Variants in CHSY3 observed in about 807,000 individuals in gnomAD.
The protein encoded by CHSY3 is N-acetylgalactosaminyl-proteoglycan 3-beta-glucuronosyltransferase 3.
CHSY3 carries 35 observed loss-of-function variants against 67.2 expected under a neutral mutation model. The ratio of observed to expected loss-of-function variants is 0.52; its 90% CI spans 0.40 to 0.69. CHSY3 has a LOEUF of 0.69. Among genes scored for constraint, CHSY3 ranks in the 30% least tolerant of loss-of-function variants. The pLI, the probability that CHSY3 is intolerant of heterozygous loss-of-function variation, is 0.00. For missense variants in CHSY3, 1,069 were observed against 1,138.5 expected, an observed-to-expected ratio of 0.94 and a Z score of 0.88; for synonymous variants, 474 against 434.7, an observed-to-expected ratio of 1.09 and a Z score of -1.12.
chr5:130,157,170 C>G (rs975449949), intron 2 of CHSY3, among the ~76,000 whole-genome samples: 1 of 152,154 alleles, frequency 6.6e-6, no homozygotes, highest in Non-Finnish European at 1.5e-5. Context: ...AGACAGCAAG[C>G]ACATCATGTT....
chr5:130,011,982 A>T (rs1188118818), intron 2 of CHSY3, among the ~76,000 whole-genome samples: 1 of 152,238 alleles, frequency 6.6e-6, no homozygotes, highest in Non-Finnish European at 1.5e-5. Flanking sequence ...AAATGGAAAA[A>T]CATCCCATGC....
intron 2 of CHSY3, among the ~76,000 whole-genome samples, chr5:130,136,146 C>T (rs1462174269): frequency 6.6e-6 from 1 of 152,142 alleles, no homozygotes; most frequent in Non-Finnish European, 1.5e-5. Flanking sequence ...AAATAGGAGT[C>T]AGAGTGAGAA....
In CHSY3 at chr5:130,186,444, C is replaced by T. The variant is rs1214592985; in HGVS notation, c.*653C>T. ...TCTTATGACAATTATGAGCTCCTCA[C>T]AACTGTCTGCTATAAATGCGAATGA... On this transcript the variant is annotated 3_prime_UTR_variant, in exon 3 of 3. Coordinates refer to ENST00000305031, the MANE Select transcript of CHSY3 (RefSeq NM_175856.5). 6.6e-6 allele frequency: 1 copy of T among 152,346 alleles called. No individual in the cohort carries two copies. The highest frequency in any genetic ancestry group is 1.9e-4 in the East Asian group (1 of 5,326). 9.4% of individuals were successfully genotyped at this position (152,346 alleles called of 1,614,324 possible).
intron 2 of CHSY3, among the ~76,000 whole-genome samples, chr5:130,018,964 G>T (rs966434670): frequency 2.0e-5 from 3 of 152,006 alleles, no homozygotes; most frequent in African/African-American, 7.2e-5. Context: ...CTTCCCCTCG[G>T]ACCATCTCTG....
chr5:130,086,463 G>C (rs1766630524), intron 2 of CHSY3, among the ~76,000 whole-genome samples: 1 of 151,842 alleles, frequency 6.6e-6, no homozygotes, highest in African/African-American at 2.4e-5. Flanking sequence ...CATTTGCTTG[G>C]TAGATCTTCC....
At chr5:130,010,691 A>G (rs2149646510) in intron 2 of CHSY3, among the ~76,000 whole-genome samples, 1 of 152,124 alleles carries the variant, frequency 6.6e-6, no homozygotes, top group Non-Finnish European at 1.5e-5. Context: ...AATCAACAAA[A>G]CCAAAAGTGA....
intron 2 of CHSY3, among the ~76,000 whole-genome samples, chr5:130,091,211 G>C (rs1044310956): frequency 1.3e-5 from 2 of 151,740 alleles, no homozygotes; most frequent in Non-Finnish European, 2.9e-5. Context: ...CCTCTTATCA[G>C]GGCCATGATT....
At position 129,908,153 on chromosome 5, in the gene CHSY3, T is replaced by C. The variant is rs138111280; in HGVS notation, c.879T>C (p.Asn293=). Residue 293 remains asparagine (N), a synonymous_variant, in exon 2 of 3, where the codon AAT becomes AAC. Transcript: ENST00000305031. ...PLYLGQTGLG[N]IEELGKLGLE... is the part of the protein sequence containing the mutation. ...ACCTGGGACAGACTGGCCTGGGGAA[T>C]ATTGAAGAGCTTGGAAAGCTGGGAC... 3.8e-4 allele frequency: 619 copies of C among 1,614,128 alleles called. 2 individuals carry two copies. In the African/African-American group the frequency reaches 7.2e-3, roughly 19 times the overall value.
At chr5:129,989,454 C>A (rs1358630339) in intron 2 of CHSY3, among the ~76,000 whole-genome samples, 1 of 151,706 alleles carries the variant, frequency 6.6e-6, no homozygotes, top group East Asian at 1.9e-4. Flanking sequence ...GAGACTTGTT[C>A]TTTTATTAAG....
At chr5:129,910,948 T>C (rs1009159057) in intron 2 of CHSY3, among the ~76,000 whole-genome samples, 6 of 151,594 alleles carry the variant, frequency 4.0e-5, no homozygotes, top group African/African-American at 1.2e-4. Flanking sequence ...TTTTTAAATT[T>C]CTTTTATCTA....
At chr5:130,077,138 A>G (rs1432361862) in intron 2 of CHSY3, among the ~76,000 whole-genome samples, 1 of 151,952 alleles carries the variant, frequency 6.6e-6, no homozygotes, top group Admixed American at 6.6e-5. Flanking sequence ...TTAAAAAAAA[A>G]AAGATTGTAA....
At chr5:129,921,545 G>A (rs879483351) in intron 2 of CHSY3, among the ~76,000 whole-genome samples, 1 of 152,136 alleles carries the variant, frequency 6.6e-6, no homozygotes, top group Admixed American at 6.5e-5. Context: ...ATGAGTACAG[G>A]TAACTGAAAC....
intron 2 of CHSY3, among the ~76,000 whole-genome samples, chr5:130,089,559 G>A (rs1766803654): frequency 2.0e-5 from 3 of 151,952 alleles, no homozygotes; most frequent in Non-Finnish European, 2.9e-5. Flanking sequence ...TAAATTTTCA[G>A]CATCAGATCT....
intron 2 of CHSY3, among the ~76,000 whole-genome samples, chr5:129,948,688 C>T (rs958127014): frequency 2.0e-5 from 3 of 152,116 alleles, no homozygotes; most frequent in African/African-American, 7.2e-5. Flanking sequence ...TTCCTTTTCT[C>T]CCGGTGGATA....
intron 2 of CHSY3, among the ~76,000 whole-genome samples, chr5:129,971,228 T>C (rs756352373): frequency 3.3e-4 from 50 of 151,752 alleles, no homozygotes; most frequent in Admixed American, 1.1e-3. Flanking sequence ...AGTGTACATT[T>C]TACATTTGGT....
intron 2 of CHSY3, among the ~76,000 whole-genome samples, chr5:130,103,255 C>T (rs1767305102): frequency 6.6e-6 from 1 of 151,938 alleles, no homozygotes; most frequent in South Asian, 2.1e-4. Context: ...CTATGACAAA[C>T]CTATTAATGC....
intron 2 of CHSY3, among the ~76,000 whole-genome samples, chr5:129,987,390 A>G (rs1306258920): frequency 6.6e-6 from 1 of 152,226 alleles, no homozygotes; most frequent in African/African-American, 2.4e-5. Flanking sequence ...AATTAGGTAC[A>G]AAATGTTTAT....
Position 130,036,474 on chromosome 5 carries a change from G to C in CHSY3, c.1086+128114G>C, listed in dbSNP as rs141967004. Among the ~76,000 whole-genome samples the C allele has an allele frequency of 6.3e-3, 953 of 152,208 alleles. 4 individuals carry two copies. Among genetic ancestry groups the C allele is most frequent in the Middle Eastern group, 0.01 (3 of 294 alleles). ...GACATTGGGCTTGGATGCTGTAAATGCTCTCCCTTTTAAACATAAAATGGA... is the reference window on the plus strand; with the variant it reads ...GACATTGGGCTTGGATGCTGTAAATCCTCTCCCTTTTAAACATAAAATGGA... On this transcript the variant is annotated intron_variant, in intron 2 of 2. Transcript: ENST00000305031.
chr5:130,105,269 T>C lies in CHSY3; in HGVS notation c.1087-78960T>C, dbSNP rs568365458. On this transcript the variant is annotated intron_variant, in intron 2 of 2. Coordinates refer to ENST00000305031, the MANE Select transcript of CHSY3 (RefSeq NM_175856.5). ...AGAATTTAAGAACTTCAAAGTATTG[T>C]TTGATTTTCAATATCTAATGTTTAA... is the stretch of plus-strand genomic sequence containing the variant. 4.0e-5 allele frequency among the ~76,000 whole-genome samples: 6 copies of C among 151,840 alleles called. No homozygotes were observed. In the East Asian group the frequency reaches 1.2e-3, roughly 29 times the overall value.
Sources: gnomAD v4.1 joint callset for allele counts (sites outside exome capture counted in the v4.1 genomes callset) on GRCh38, gnomAD v4.1.1 for gene constraint, MANE v1.5 for transcripts, NCBI Gene and HGNC (gene_info 2026-07-23, HGNC 2026-07-21) for gene names.